GTF2I: variants seen among roughly 807,000 people sequenced by gnomAD.
GTF2I encodes general transcription factor IIi, also known as general transcription factor II-I.
In GTF2I, 12 loss-of-function variants were observed where a neutral mutation model predicts 67.6. That is an observed-to-expected ratio of 0.18 (90% CI 0.11 to 0.29). The LOEUF (loss-of-function observed/expected upper bound fraction) is 0.29, where lower values mean the gene tolerates loss of function less well. Among genes scored for constraint, GTF2I ranks in the 10% least tolerant of loss-of-function variants. The pLI is 1.00. For missense variants in GTF2I, 271 were observed against 580.1 expected (o/e 0.47, Z 5.47); for synonymous variants, 149 against 197.0 (o/e 0.76, Z 2.04).
intron 1 of GTF2I, among the ~76,000 whole-genome samples, chr7:74,658,844 A>C (rs1804200381): frequency 1.3e-5 from 2 of 152,112 alleles, no homozygotes; most frequent in Admixed American, 1.3e-4. Flanking sequence ...TTCAGCCAGC[A>C]CCCAGACGAC....
At chr7:74,665,005 G>A (rs1156639077) in intron 1 of GTF2I, among the ~76,000 whole-genome samples, 2 of 150,006 alleles carry the variant, frequency 1.3e-5, no homozygotes, top group African/African-American at 2.5e-5. Flanking sequence ...GTAGTGGCGC[G>A]CCTGGCTCAC....
At chr7:74,696,651 C>A (rs1271238926) in intron 3 of GTF2I, among the ~76,000 whole-genome samples, 1 of 152,148 alleles carries the variant, frequency 6.6e-6, no homozygotes, top group African/African-American at 2.4e-5. Flanking sequence ...CACCACCATG[C>A]CTGGCTAATT....
Position 74,716,752 on chromosome 7 carries a change from C to T in GTF2I, c.824-142C>T, listed in dbSNP as rs915716364. 2.0e-4 allele frequency: 112 copies of T among 561,834 alleles called. 2 individuals are homozygous for T. In the East Asian group the frequency reaches 3.0e-3, roughly 15 times the overall value. 34.8% of individuals were successfully genotyped at this position (561,834 alleles called of 1,614,324 possible). A position where few individuals can be genotyped will look rare whatever the true frequency, so the allele number is the denominator to read the frequency against. ...CTTTTCTGAATTAGAAAACATTGTT[C>T]GACTTAACTGCTAAAGAGTTAGACA... On this transcript the variant is annotated intron_variant, in intron 10 of 34. Transcript: ENST00000573035.
intron 8 of GTF2I, among the ~76,000 whole-genome samples, chr7:74,709,362 C>T (rs2131388449): frequency 6.6e-6 from 1 of 152,300 alleles, no homozygotes; most frequent in African/African-American, 2.4e-5. Flanking sequence ...GATTCTCCCA[C>T]CTCAGCCTCC....
intron 8 of GTF2I, among the ~76,000 whole-genome samples, chr7:74,706,911 CA>C (rs1554401567): frequency 1.3e-5 from 2 of 152,164 alleles, no homozygotes; most frequent in Non-Finnish European, 2.9e-5. Context: ...AGTGCAGTGG[CA>C]CGACCTCGGC....
intron 1 of GTF2I, among the ~76,000 whole-genome samples, chr7:74,683,506 G>A (rs1019248111): frequency 2.6e-5 from 4 of 152,136 alleles, no homozygotes; most frequent in Non-Finnish European, 4.4e-5. Context: ...TCATAAATAC[G>A]TGGTTACATC....
chr7:74,668,631 T>C (rs1805193922), intron 1 of GTF2I, among the ~76,000 whole-genome samples: 1 of 151,922 alleles, frequency 6.6e-6, no homozygotes, highest in African/African-American at 2.4e-5. Flanking sequence ...TGGAGTGCAG[T>C]GGCATGATCT....
chr7:74,675,446 A>G (rs587731577), intron 1 of GTF2I, among the ~76,000 whole-genome samples: 2 of 152,242 alleles, frequency 1.3e-5, no homozygotes, highest in South Asian at 4.1e-4. Flanking sequence ...AATATTTTTA[A>G]AAGAAGAAAA....
chr7:74,690,753 A>T (rs1554396789), intron 2 of GTF2I, among the ~76,000 whole-genome samples: 1 of 152,004 alleles, frequency 6.6e-6, no homozygotes, highest in African/African-American at 2.4e-5. Flanking sequence ...GTAAACTCTC[A>T]GTCTACTACT....
chr7:74,700,167 TAAGC>T, intron 4 of GTF2I, 76 bp from the exon 5 acceptor site: 1 of 1,443,086 alleles, frequency 6.9e-7, no homozygotes, highest in Non-Finnish European at 9.6e-7. Context: ...ATGCCCTTAT[TAAGC>T]CACAATAAGC....
At chr7:74,670,809 A>G (rs879983246) in intron 1 of GTF2I, among the ~76,000 whole-genome samples, 8 of 152,048 alleles carry the variant, frequency 5.3e-5, no homozygotes, top group Non-Finnish European at 1.0e-4. Flanking sequence ...CCAAAATCCA[A>G]CTGAGTTTTA....
At position 74,703,340 on chromosome 7, in the gene GTF2I, C is replaced by T. The variant is rs1012467488; in HGVS notation, c.587-1824C>T. On this transcript the variant is annotated intron_variant, in intron 6 of 34. Transcript: ENST00000573035. Reference sequence around the variant, plus strand: ...TTGGTAGTATCCTTTGAGGCACAAACGTTTTAAATTTTGATAAAAATAAGT... The same window carrying T: ...TTGGTAGTATCCTTTGAGGCACAAATGTTTTAAATTTTGATAAAAATAAGT... 3.2e-4 allele frequency among the ~76,000 whole-genome samples: 49 copies of T among 151,820 alleles called. 2 individuals are homozygous for T. Among genetic ancestry groups the T allele is most frequent in the African/African-American group, 7.3e-5 (3 of 41,340 alleles).
chr7:74,716,800 T>C, intron 10 of GTF2I, 94 bp from the exon 11 acceptor site: 1 of 750,376 alleles, frequency 1.3e-6, no homozygotes, highest in Non-Finnish European at 2.2e-6. Context: ...ATGTTTATTA[T>C]GTCTTAGATT....
intron 3 of GTF2I, among the ~76,000 whole-genome samples, chr7:74,691,434 G>A (rs979325675): frequency 6.6e-6 from 1 of 152,164 alleles, no homozygotes; most frequent in Admixed American, 6.5e-5. Flanking sequence ...TCAAACTCCC[G>A]ACCTCAGGTG....
At chr7:74,701,237 A>G (rs903177769) in intron 6 of GTF2I, among the ~76,000 whole-genome samples, 1 of 152,244 alleles carries the variant, frequency 6.6e-6, no homozygotes, top group African/African-American at 2.4e-5. Context: ...AAAACAGGAT[A>G]AAGAGTAATA....
At chr7:74,712,046 T>C (rs1310183962) in intron 9 of GTF2I, among the ~76,000 whole-genome samples, 1 of 151,396 alleles carries the variant, frequency 6.6e-6, no homozygotes, top group Non-Finnish European at 1.5e-5. Flanking sequence ...ACCTCCCAGG[T>C]TGAGGTGATT....
intron 8 of GTF2I, among the ~76,000 whole-genome samples, chr7:74,710,723 A>G (rs1301105573): frequency 6.6e-6 from 1 of 152,234 alleles, no homozygotes; most frequent in African/African-American, 2.4e-5. Flanking sequence ...TTATAAAAGT[A>G]TTTTTAATAT....
Position 74,716,918 on chromosome 7 carries a change from A to G in GTF2I, c.848A>G (p.Asn283Ser). ...LQGSHHSSEGNEGTEMEVPAE... is the reference protein window; with the variant it reads ...LQGSHHSSEGSEGTEMEVPAE... ...GGAAGCCACCATTCTTCAGAGGGCA[A>G]TGAAGGCACAGAAATGGAAGTACCA... Residue 283 changes from asparagine to serine, a missense_variant, in exon 11 of 35, where the codon AAT (asparagine) becomes AGT (serine). By Grantham distance (46) the Asn-to-Ser change is conservative (BLOSUM62 1). Coordinates refer to ENST00000573035, the MANE Select transcript of GTF2I (RefSeq NM_032999.4). 3 of 1,608,048 alleles carry G rather than the reference A, an allele frequency of 1.9e-6. No individual in the cohort carries two copies. The highest frequency in any genetic ancestry group is 1.7e-5 in the Admixed American group (1 of 59,978).
chr7:74,713,161 G>T (rs1237359184), intron 9 of GTF2I, among the ~76,000 whole-genome samples: 3 of 116,640 alleles, frequency 2.6e-5, no homozygotes, highest in African/African-American at 8.0e-5. Context: ...AAGGTATTTT[G>T]AGTAAATACC....
Sources: allele counts gnomAD v4.1 joint callset (sites outside exome capture counted in the v4.1 genomes callset), GRCh38; gene constraint gnomAD v4.1.1; transcripts MANE v1.5; gene names NCBI Gene and HGNC (gene_info 2026-07-23, HGNC 2026-07-21).